The following ARHGAP26 variants were observed in gnomAD, a reference collection of about 807,000 sequenced individuals.
ARHGAP26 encodes the protein Rho GTPase activating protein 26.
In ARHGAP26, 38 loss-of-function variants were observed where a neutral mutation model predicts 104.8. The ratio of observed to expected loss-of-function variants is 0.36; its 90% CI spans 0.28 to 0.48. The LOEUF (loss-of-function observed/expected upper bound fraction) is 0.48. ARHGAP26 is among the 20% of genes least tolerant of loss of function. ARHGAP26 has a pLI of 0.99. For synonymous variants in ARHGAP26, 341 were observed against 340.0 expected (o/e 1.00, Z -0.03); for missense variants, 704 against 947.9 (o/e 0.74, Z 3.38).
chr5:142,949,026 A>G (rs1239945121), intron 11 of ARHGAP26, among the ~76,000 whole-genome samples: 1 of 151,344 alleles, frequency 6.6e-6, no homozygotes, highest in Non-Finnish European at 1.5e-5. Flanking sequence ...AATCGCTTGA[A>G]CCTGGGGGGC....
At chr5:142,935,886 G>A (rs548522826) in intron 11 of ARHGAP26, among the ~76,000 whole-genome samples, 7 of 152,180 alleles carry the variant, frequency 4.6e-5, no homozygotes, top group South Asian at 2.1e-4. Flanking sequence ...CAAGTTTACC[G>A]CTAACATCAT....
intron 3 of ARHGAP26, 117 bp downstream of exon 3, chr5:142,875,288 CT>C (rs758493286): frequency 9.8e-7 from 1 of 1,018,854 alleles, no homozygotes; most frequent in Admixed American, 1.9e-5. Flanking sequence ...ATGTTTTGAG[CT>C]CTTCAGCAAG....
intron 10 of ARHGAP26, among the ~76,000 whole-genome samples, chr5:142,924,703 G>A (rs1763661559): frequency 6.6e-6 from 1 of 152,170 alleles, no homozygotes; most frequent in Non-Finnish European, 1.5e-5. Context: ...CTTGCAGAAG[G>A]ACCTCAATGG....
intron 14 of ARHGAP26, among the ~76,000 whole-genome samples, chr5:143,047,086 C>G (rs535525477): frequency 3.7e-4 from 57 of 152,284 alleles, no homozygotes; most frequent in African/African-American, 1.3e-3. Context: ...TTTTCTCAGG[C>G]ACATATTGCA....
At chr5:143,093,718 C>G (rs971410229) in intron 17 of ARHGAP26, among the ~76,000 whole-genome samples, 1 of 152,206 alleles carries the variant, frequency 6.6e-6, no homozygotes, top group East Asian at 1.9e-4. Context: ...CTGCCAACCA[C>G]TTATGCTACT....
chr5:142,937,706 T>C (rs1384432107), intron 11 of ARHGAP26, among the ~76,000 whole-genome samples: 1 of 152,170 alleles, frequency 6.6e-6, no homozygotes, highest in Non-Finnish European at 1.5e-5. Context: ...GAATACTGTT[T>C]GGCAATGGAA....
intron 11 of ARHGAP26, among the ~76,000 whole-genome samples, chr5:142,963,710 T>C (rs1220664223): frequency 6.6e-6 from 1 of 152,202 alleles, no homozygotes; most frequent in Admixed American, 6.5e-5. Context: ...GCACTTTCCC[T>C]CTTCCCAACC....
intron 17 of ARHGAP26, among the ~76,000 whole-genome samples, chr5:143,101,308 T>C (rs1004752262): frequency 6.6e-6 from 1 of 152,188 alleles, no homozygotes; most frequent in Non-Finnish European, 1.5e-5. Flanking sequence ...CATTTCTCTT[T>C]CTCATAATTT....
intron 15 of ARHGAP26, among the ~76,000 whole-genome samples, chr5:143,054,790 A>G (rs1263985084): frequency 1.3e-5 from 2 of 152,264 alleles, no homozygotes; most frequent in Non-Finnish European, 1.5e-5. Flanking sequence ...AGCCATGAAC[A>G]GAACCTAAAA....
intron 17 of ARHGAP26, among the ~76,000 whole-genome samples, chr5:143,100,580 A>T (rs6866914): frequency 6.6e-6 from 1 of 152,252 alleles, no homozygotes. Context: ...ATCACCTCCC[A>T]TGGTGTGAAT....
chr5:142,973,182 G>A (rs1477674666), intron 11 of ARHGAP26, among the ~76,000 whole-genome samples: 3 of 152,172 alleles, frequency 2.0e-5, no homozygotes, highest in Admixed American at 6.5e-5. Context: ...GTTTGTTGCA[G>A]CATTGGTGGA....
intron 6 of ARHGAP26, among the ~76,000 whole-genome samples, chr5:142,901,030 G>T (rs1417927636): frequency 6.6e-6 from 1 of 152,168 alleles, no homozygotes; most frequent in Non-Finnish European, 1.5e-5. Context: ...TAGAACTGAG[G>T]GAAGATGTGT....
chr5:143,052,219 C>T (rs1310620701), intron 14 of ARHGAP26, among the ~76,000 whole-genome samples: 2 of 152,152 alleles, frequency 1.3e-5, no homozygotes, highest in Non-Finnish European at 2.9e-5. Context: ...TGCCTGTAAT[C>T]CCAGCACTTT....
intron 1 of ARHGAP26, among the ~76,000 whole-genome samples, chr5:142,781,820 T>C (rs773710927): frequency 3.3e-5 from 5 of 152,202 alleles, no homozygotes; most frequent in Non-Finnish European, 7.4e-5. Context: ...CAAGTGATTC[T>C]CCTGCCTCAG....
At chr5:142,949,196 A>AGGAGAGAG (rs1163782848) in intron 11 of ARHGAP26, among the ~76,000 whole-genome samples, 7 of 38,160 alleles carry the variant, frequency 1.8e-4, no homozygotes, top group African/African-American at 1.8e-3. Context: ...AGAGAGAGAG[A>AGGAGAGAG]GAGAGAGAGA....
chr5:142,890,760 G>A (rs556099811), intron 5 of ARHGAP26, among the ~76,000 whole-genome samples: 54 of 152,190 alleles, frequency 3.5e-4, no homozygotes, highest in African/African-American at 1.3e-3. Context: ...TTTTCAAATG[G>A]TTTACATCAT....
At position 142,791,453 on chromosome 5, in the gene ARHGAP26, C is replaced by T. The variant is rs183846791; in HGVS notation, c.154+20538C>T. On this transcript the variant is annotated intron_variant, in intron 1 of 22. Transcript: ENST00000645722. ...AAATTGAATGTTTCTAAATATCTTT[C>T]ATAAGTAGCACTATGCAGGAAGGCC... is the stretch of plus-strand genomic sequence containing the variant. 2.0e-5 allele frequency among the ~76,000 whole-genome samples: 3 copies of T among 152,268 alleles called. No individual in the cohort carries two copies. In the East Asian group the frequency reaches 5.8e-4, roughly 29 times the overall value.
chr5:142,966,441 A>C (rs796961316), intron 11 of ARHGAP26, among the ~76,000 whole-genome samples: 2 of 152,328 alleles, frequency 1.3e-5, no homozygotes, highest in African/African-American at 4.8e-5. Context: ...ATTCTGTAAA[A>C]GTATGTGTAA....
At chr5:143,154,160 T>TTAAAA (rs534282373) in intron 20 of ARHGAP26, among the ~76,000 whole-genome samples, 2 of 142,474 alleles carry the variant, frequency 1.4e-5, no homozygotes, top group East Asian at 4.1e-4. Flanking sequence ...TTAAAAATAT[T>TTAAAA]AAAAAAAAAA....
Sources: allele counts gnomAD v4.1 joint callset (sites outside exome capture counted in the v4.1 genomes callset), GRCh38; gene constraint gnomAD v4.1.1; transcripts MANE v1.5; gene names NCBI Gene and HGNC (gene_info 2026-07-23, HGNC 2026-07-21).